Variants in NEMP2 observed in about 807,000 individuals in gnomAD.
NEMP2 encodes UPF0571 transmembrane protein.
In NEMP2, 53 loss-of-function variants were observed where a neutral mutation model predicts 54.2. The ratio of observed to expected loss-of-function variants is 0.98; its 90% CI spans 0.78 to 1.23. The LOEUF is 1.23. Among genes scored for constraint, NEMP2 ranks in the 50% most tolerant of loss-of-function variants. The probability of loss-of-function intolerance (pLI) is 0.00; values close to 1 mark genes in which losing one functional copy is unlikely to be tolerated. For missense variants in NEMP2, 455 were observed against 511.3 expected (o/e 0.89, Z 1.06); for synonymous variants, 197 against 190.3 (o/e 1.04, Z -0.29).
intron 7 of NEMP2, among the ~76,000 whole-genome samples, chr2:190,511,015 T>G (rs956179014): frequency 6.6e-6 from 1 of 152,228 alleles, no homozygotes; most frequent in East Asian, 1.9e-4. Context: ...AACATGTAGT[T>G]TGGGCCTAAT....
chr2:190,515,283 T>C (rs987030047), intron 6 of NEMP2, among the ~76,000 whole-genome samples: 1 of 152,188 alleles, frequency 6.6e-6, no homozygotes, highest in Admixed American at 6.5e-5. Flanking sequence ...TTAAATTCTA[T>C]CATAAAGGGG....
chr2:190,626,760 C>T, the NEMP2 span: 2 of 152,318 alleles, frequency 1.3e-5, no homozygotes, highest in East Asian at 3.9e-4. This position sits in a 1 kb window ranked among gnomAD's most constrained non-coding sequence, Gnocchi z 4.5. Context: ...GACTGATGAG[C>T]TCTCGAATGA....
the NEMP2 span, among the ~76,000 whole-genome samples, chr2:190,422,980 G>A: frequency 6.6e-6 from 1 of 151,952 alleles, no homozygotes; most frequent in Admixed American, 6.6e-5. Context: ...TAAAGCCCTA[G>A]ATAAGAAAAT....
At chr2:190,480,204 T>C in the NEMP2 span, among the ~76,000 whole-genome samples, 16 of 152,350 alleles carry the variant, frequency 1.1e-4, no homozygotes, top group East Asian at 2.3e-3. Flanking sequence ...CCTCCTCTTA[T>C]GCTCTGCAAG....
At chr2:190,423,494 A>G in the NEMP2 span, among the ~76,000 whole-genome samples, 1 of 152,192 alleles carries the variant, frequency 6.6e-6, no homozygotes, top group Non-Finnish European at 1.5e-5. This position sits in a 1 kb window ranked among gnomAD's most constrained non-coding sequence, Gnocchi z 4.3. Context: ...ATAATATCCC[A>G]TAGTAAAGCT....
chr2:190,586,623 T>G, the NEMP2 span, among the ~76,000 whole-genome samples: 1 of 152,218 alleles, frequency 6.6e-6, no homozygotes, highest in East Asian at 1.9e-4. This position sits in a 1 kb window ranked among gnomAD's most constrained non-coding sequence, Gnocchi z 4.5. Flanking sequence ...TTTTTCTTCC[T>G]TCTACTATAG....
the NEMP2 span, chr2:190,608,873 T>C: frequency 6.6e-6 from 1 of 152,196 alleles, no homozygotes; most frequent in African/African-American, 2.4e-5. The surrounding 1 kb of genome is among the most constrained non-coding windows in gnomAD (Gnocchi z 4.9). Flanking sequence ...CTGAACCTTA[T>C]TAAAAAAATT....
At position 190,510,854 on chromosome 2, in the gene NEMP2, C is replaced by A. The variant is rs185224117; in HGVS notation, c.954-317G>T. 2.4e-4 allele frequency among the ~76,000 whole-genome samples: 36 copies of A among 149,602 alleles called. 1 individual carries two copies. The East Asian group carries it at 7.1e-3, about 29-fold the overall frequency. ...CGAGATCGCGCCACTGCACTCCAGC[C>A]TGGGCGACAGAGGGAGACTCCGTCT... is the stretch of plus-strand genomic sequence containing the variant. On this transcript the variant is annotated intron_variant, in intron 7 of 8. Transcript: ENST00000409150. The surrounding 1 kb of genome is among the most constrained non-coding windows in gnomAD (Gnocchi z 5.7).
At chr2:190,603,978 A>G in the NEMP2 span, among the ~76,000 whole-genome samples, 1 of 152,196 alleles carries the variant, frequency 6.6e-6, no homozygotes, top group African/African-American at 2.4e-5. Context: ...AAAGTAGGAA[A>G]GGACCTCATT....
the NEMP2 span, among the ~76,000 whole-genome samples, chr2:190,598,369 A>G: frequency 3.3e-5 from 5 of 152,246 alleles, no homozygotes; most frequent in African/African-American, 7.2e-5. Flanking sequence ...GATGCTTACA[A>G]GTGTTTTTAG....
At chr2:190,465,116 T>A in the NEMP2 span, among the ~76,000 whole-genome samples, 1 of 152,232 alleles carries the variant, frequency 6.6e-6, no homozygotes, top group African/African-American at 2.4e-5. The surrounding 1 kb of genome is among the most constrained non-coding windows in gnomAD (Gnocchi z 4.6). Context: ...TGTGCTTATA[T>A]AAGAAATTAG....
the NEMP2 span, among the ~76,000 whole-genome samples, chr2:190,584,039 G>C: frequency 1.8e-4 from 28 of 152,294 alleles, no homozygotes; most frequent in African/African-American, 6.5e-4. The surrounding 1 kb of genome is among the most constrained non-coding windows in gnomAD (Gnocchi z 4.2). Context: ...TAAGCTAGCA[G>C]TAGTAGTACA....
At position 190,505,673 on chromosome 2, in the gene NEMP2, C is replaced by T. The variant is rs1364312584; in HGVS notation, c.*3516G>A. 1 of 152,006 alleles carries T rather than the reference C, an allele frequency of 6.6e-6. No individual in the cohort carries two copies. Among genetic ancestry groups the T allele is most frequent in the Non-Finnish European group, 1.5e-5 (1 of 68,006 alleles). 9.4% of individuals were successfully genotyped at this position (152,006 alleles called of 1,614,324 possible). On this transcript the variant is annotated 3_prime_UTR_variant, in exon 9 of 9. Coordinates refer to ENST00000409150, the MANE Select transcript of NEMP2 (RefSeq NM_001142645.2). The surrounding 1 kb of genome is among the most constrained non-coding windows in gnomAD (Gnocchi z 5.8). ...ATACAGTTACCTTTAAAAGATAATC[C>T]AACTCCTAGGCCAGAGAAAGACTAA... is the stretch of plus-strand genomic sequence containing the variant.
chr2:190,642,441 T>C, the NEMP2 span, among the ~76,000 whole-genome samples: 2 of 152,074 alleles, frequency 1.3e-5, no homozygotes, highest in African/African-American at 2.4e-5. The surrounding 1 kb of genome is among the most constrained non-coding windows in gnomAD (Gnocchi z 4.1). Flanking sequence ...TGGATAAAGG[T>C]TTGCTTATTT....
At chr2:190,479,508 G>A in the NEMP2 span, among the ~76,000 whole-genome samples, 9 of 151,936 alleles carry the variant, frequency 5.9e-5, no homozygotes, top group African/African-American at 1.9e-4. Context: ...CTTTTGTTTT[G>A]TACAAAGAAC....
the NEMP2 span, among the ~76,000 whole-genome samples, chr2:190,467,606 C>G: frequency 6.6e-6 from 1 of 152,230 alleles, no homozygotes; most frequent in South Asian, 2.1e-4. This position sits in a 1 kb window ranked among gnomAD's most constrained non-coding sequence, Gnocchi z 5.5. Flanking sequence ...GAGCGAGACT[C>G]TGTCTCAAAA....
the NEMP2 span, among the ~76,000 whole-genome samples, chr2:190,619,208 G>A: frequency 2.6e-5 from 4 of 151,958 alleles, no homozygotes; most frequent in East Asian, 5.8e-4. The surrounding 1 kb of genome is among the most constrained non-coding windows in gnomAD (Gnocchi z 5.5). Context: ...GTGAGATTTC[G>A]TGTCTACTAA....
the NEMP2 span, among the ~76,000 whole-genome samples, chr2:190,636,422 A>G: frequency 6.6e-6 from 1 of 152,228 alleles, no homozygotes; most frequent in African/African-American, 2.4e-5. Flanking sequence ...TATTTTTTTC[A>G]GAAGGATTAA....
chr2:190,431,244 C>T, the NEMP2 span, among the ~76,000 whole-genome samples: 13 of 151,854 alleles, frequency 8.6e-5, no homozygotes, highest in African/African-American at 2.9e-4. The surrounding 1 kb of genome is among the most constrained non-coding windows in gnomAD (Gnocchi z 4.4). Context: ...CAGAGGGGCT[C>T]CTCACCTCCC....
Sources: gnomAD v4.1 joint callset for allele counts (sites outside exome capture counted in the v4.1 genomes callset) on GRCh38, gnomAD v4.1.1 for gene constraint, Gnocchi (gnomAD v3.1) non-coding constraint, MANE v1.5 for transcripts, NCBI Gene and HGNC (gene_info 2026-07-23, HGNC 2026-07-21) for gene names.